Variants in OCIAD1 observed in about 807,000 individuals in gnomAD.
The protein encoded by OCIAD1 is OCIA domain containing 1, also known as OCIA domain-containing protein 1.
In OCIAD1, 29 loss-of-function variants were observed where a neutral mutation model predicts 38.9. The observed-to-expected ratio is 0.74, with a 90% CI of 0.55 to 1.02. The LOEUF is 1.02. Among genes scored for constraint, OCIAD1 ranks in the 50% least tolerant of loss-of-function variants. OCIAD1 has a pLI of 0.00. For synonymous variants in OCIAD1, 110 were observed against 92.0 expected, an observed-to-expected ratio of 1.20 and a Z score of -1.12; for missense variants, 288 against 289.6, an observed-to-expected ratio of 0.99 and a Z score of 0.04.
intron 7 of OCIAD1, among the ~76,000 whole-genome samples, chr4:48,854,827 A>G (rs1241979264): frequency 6.6e-6 from 1 of 152,134 alleles, no homozygotes; most frequent in Non-Finnish European, 1.5e-5. Context: ...TTTAAGTCCT[A>G]CTTTAGTTCT....
intron 1 of OCIAD1, among the ~76,000 whole-genome samples, chr4:48,825,789 CTCTT>C (rs1388673627): frequency 5.6e-5 from 8 of 143,308 alleles, no homozygotes; most frequent in Non-Finnish European, 1.2e-4. Flanking sequence ...TCCCTTCTCT[CTCTT>C]TCTCTCTCTT....
At chr4:48,819,740 A>G (rs866052594) in intron 1 of OCIAD1, among the ~76,000 whole-genome samples, 31 of 145,452 alleles carry the variant, frequency 2.1e-4, no homozygotes, top group South Asian at 6.6e-4. Context: ...AAAAAAAAAA[A>G]AAAAGGAGGG....
intron 1 of OCIAD1, among the ~76,000 whole-genome samples, chr4:48,813,426 A>T (rs1777110751): frequency 6.6e-6 from 1 of 152,102 alleles, no homozygotes; most frequent in Non-Finnish European, 1.5e-5. Context: ...GGCGGAGGTG[A>T]GTGGATCGCC....
At chr4:48,859,434 C>A (rs1780404108) in intron 8 of OCIAD1, among the ~76,000 whole-genome samples, 1 of 152,000 alleles carries the variant, frequency 6.6e-6, no homozygotes, top group Non-Finnish European at 1.5e-5. Context: ...GTAATCTTTT[C>A]TATTATTGTC....
At chr4:48,832,493 T>C in intron 1 of OCIAD1, 127 bp from the exon 2 acceptor site, 1 of 718,248 alleles carries the variant, frequency 1.4e-6, no homozygotes, top group Admixed American at 2.0e-5. Context: ...GATATAGTAG[T>C]GTTTAATAAA....
intron 3 of OCIAD1, among the ~76,000 whole-genome samples, chr4:48,836,128 G>C (rs553358176): frequency 6.6e-6 from 1 of 152,238 alleles, no homozygotes; most frequent in Non-Finnish European, 1.5e-5. Context: ...TGGGTAGAAG[G>C]GTGAGAAGTT....
chr4:48,824,020 C>A (rs1205093740), intron 1 of OCIAD1, among the ~76,000 whole-genome samples: 3 of 151,876 alleles, frequency 2.0e-5, no homozygotes, highest in Non-Finnish European at 4.4e-5. Context: ...ACTCTGTTGC[C>A]CAGGCTGGAG....
intron 8 of OCIAD1, among the ~76,000 whole-genome samples, chr4:48,860,415 T>C (rs1466083881): frequency 2.0e-5 from 3 of 151,738 alleles, no homozygotes; most frequent in Non-Finnish European, 2.9e-5. Flanking sequence ...TATACTCAAA[T>C]CTCAGTTCTT....
rs551614568 is a variant in OCIAD1, at chr4:48,839,122, A to C, written c.140-3514A>C. Among the ~76,000 whole-genome samples the C allele has an allele frequency of 3.9e-5, 6 of 152,334 alleles. 1 individual carries two copies. The highest frequency in any genetic ancestry group is 1.4e-4 in the African/African-American group (6 of 41,584). On this transcript the variant is annotated intron_variant, in intron 3 of 8. Transcript: ENST00000264312. ...TCATATATGTGTACTACTAGTTTTC[A>C]AATGATACAGTATAAGAGTGATAAG...
At chr4:48,844,258 C>T (rs1161298868) in intron 4 of OCIAD1, among the ~76,000 whole-genome samples, 1 of 151,836 alleles carries the variant, frequency 6.6e-6, no homozygotes, top group Non-Finnish European at 1.5e-5. Flanking sequence ...TGAAGTAGAG[C>T]CAGGAGAAAT....
intron 1 of OCIAD1, among the ~76,000 whole-genome samples, chr4:48,820,238 T>C (rs1469283108): frequency 6.6e-6 from 1 of 152,126 alleles, no homozygotes; most frequent in Non-Finnish European, 1.5e-5. Flanking sequence ...GAACTCAGGA[T>C]TAAGAAAGTC....
chr4:48,857,287 G>A lies in OCIAD1; in HGVS notation c.622G>A (p.Glu208Lys). The A allele has an allele frequency of 6.3e-7, 1 of 1,599,460 alleles. No individual in the cohort carries two copies. The highest frequency in any genetic ancestry group is 8.5e-7 in the Non-Finnish European group (1 of 1,171,646). ...TGAGGAATTAAGGAATAAGAACAGA[G>A]AGTCATATGAAGTATCTTTAACACA... is the stretch of plus-strand genomic sequence containing the variant. ...TYEELRNKNR[E>K]SYEVSLTQKT... Residue 208 changes from glutamate (E) to lysine (K), a missense_variant, in exon 8 of 9, where the codon GAG becomes AAG. Physicochemically the swap from Glu to Lys is moderately conservative, Grantham distance 56 (BLOSUM62 1). Coordinates refer to ENST00000264312, the MANE Select transcript of OCIAD1 (RefSeq NM_017830.4).
intron 4 of OCIAD1, among the ~76,000 whole-genome samples, chr4:48,843,834 C>A (rs910065685): frequency 4.6e-5 from 7 of 152,116 alleles, no homozygotes; most frequent in Non-Finnish European, 8.8e-5. Context: ...CTATTTTAAT[C>A]CAGTGTGTCA....
upstream of OCIAD1, among the ~76,000 whole-genome samples, chr4:48,826,855 A>G (rs1042081432): frequency 5.9e-5 from 9 of 152,128 alleles, no homozygotes; most frequent in African/African-American, 1.7e-4. Context: ...ATCTCCAATC[A>G]CTCTTTTCTC....
At position 48,832,686 on chromosome 4, in the gene OCIAD1, ACTAT is replaced by A. The variant is rs762084803; in HGVS notation, c.58+9_58+12del. The A allele has an allele frequency of 5.6e-6, 9 of 1,602,772 alleles. No homozygotes were observed. Among genetic ancestry groups the A allele is most frequent in the African/African-American group, 1.3e-5 (1 of 74,718 alleles). On this transcript the variant is annotated splice_donor_5th_base_variant and intron_variant, in intron 2 of 8. Transcript: ENST00000264312. ...GAGGTTCCAAGACCAATTCCCCGTA[ACTAT>A]CTATTAAGTATTTATAATTAGAAGC...
intron 4 of OCIAD1, among the ~76,000 whole-genome samples, chr4:48,846,281 AT>A (rs1479321949): frequency 1.3e-5 from 2 of 152,222 alleles, no homozygotes; most frequent in Non-Finnish European, 2.9e-5. Context: ...AAAGGCACAG[AT>A]TAGTTGTCTG....
At chr4:48,856,741 T>C (rs1466138386) in intron 7 of OCIAD1, 1 of 152,204 alleles carries the variant, frequency 6.6e-6, no homozygotes, top group African/African-American at 2.4e-5. Flanking sequence ...TTTTTGAAAA[T>C]AGCTGGAGTT....
At chr4:48,858,321 A>G (rs1376824668) in intron 8 of OCIAD1, among the ~76,000 whole-genome samples, 1 of 152,218 alleles carries the variant, frequency 6.6e-6, no homozygotes, top group African/African-American at 2.4e-5. Context: ...TGATACATCT[A>G]TCGCATAAGT....
chr4:48,810,189 G>A (rs567078346), intron 1 of OCIAD1, among the ~76,000 whole-genome samples: 1 of 151,922 alleles, frequency 6.6e-6, no homozygotes, highest in South Asian at 2.1e-4. Flanking sequence ...TAGGAACTCG[G>A]TGTGTGTGTG....
Sources: allele counts gnomAD v4.1 joint callset (sites outside exome capture counted in the v4.1 genomes callset), GRCh38; gene constraint gnomAD v4.1.1; transcripts MANE v1.5; gene names NCBI Gene and HGNC (gene_info 2026-07-23, HGNC 2026-07-21).